Variants in KCNK2 observed in about 807,000 individuals in gnomAD.
The protein encoded by KCNK2 is potassium two pore domain channel subfamily K member 2, also known as potassium channel subfamily K member 2.
KCNK2 carries 21 observed loss-of-function variants against 40.5 expected under a neutral mutation model. The ratio of observed to expected loss-of-function variants is 0.52; its 90% CI spans 0.37 to 0.75. The LOEUF (loss-of-function observed/expected upper bound fraction) is 0.75. Ranked by LOEUF, KCNK2 falls within the 30% of genes least tolerant of loss-of-function variation. KCNK2 has a pLI of 0.00. For synonymous variants in KCNK2, 191 were observed against 202.2 expected (o/e 0.94, Z 0.47); for missense variants, 399 against 531.6 (o/e 0.75, Z 2.45).
At chr1:215,144,353 A>G (rs1056773838) in intron 3 of KCNK2, among the ~76,000 whole-genome samples, 6 of 152,066 alleles carry the variant, frequency 3.9e-5, no homozygotes, top group African/African-American at 1.4e-4. Context: ...AAATGACCCA[A>G]CTTCAGCTGT....
At chr1:215,031,494 G>A (rs1441034069) in intron 1 of KCNK2, among the ~76,000 whole-genome samples, 2 of 152,108 alleles carry the variant, frequency 1.3e-5, no homozygotes, top group Non-Finnish European at 2.9e-5. Flanking sequence ...TACAGGTTGA[G>A]TAACCCTAAT....
At chr1:215,174,968 C>T (rs1196515994) in intron 5 of KCNK2, among the ~76,000 whole-genome samples, 1 of 152,064 alleles carries the variant, frequency 6.6e-6, no homozygotes, top group African/African-American at 2.4e-5. Flanking sequence ...TTTCTTTCTC[C>T]TGCCTGATTG....
intron 2 of KCNK2, among the ~76,000 whole-genome samples, chr1:215,113,394 A>G (rs1448924701): frequency 1.3e-5 from 2 of 152,056 alleles, no homozygotes; most frequent in African/African-American, 4.8e-5. Context: ...CTTTTGGCAT[A>G]TTTTACTTAT....
intron 3 of KCNK2, among the ~76,000 whole-genome samples, chr1:215,133,304 A>G (rs1307535584): frequency 6.6e-6 from 1 of 152,206 alleles, no homozygotes; most frequent in Non-Finnish European, 1.5e-5. Flanking sequence ...AAATTATCCA[A>G]AAATTGGAAG....
At chr1:215,216,991 G>A (rs1558144616) in intron 6 of KCNK2, among the ~76,000 whole-genome samples, 1 of 152,214 alleles carries the variant, frequency 6.6e-6, no homozygotes, top group African/African-American at 2.4e-5. Flanking sequence ...GTTATGGTCT[G>A]TAATTGATAT....
At chr1:215,161,391 T>A (rs1214431555) in intron 3 of KCNK2, among the ~76,000 whole-genome samples, 2 of 152,054 alleles carry the variant, frequency 1.3e-5, no homozygotes, top group Non-Finnish European at 2.9e-5. Flanking sequence ...AAACTTTTTT[T>A]ATGGGGCTTG....
intron 1 of KCNK2, among the ~76,000 whole-genome samples, chr1:215,066,817 G>C (rs1477588820): frequency 6.6e-6 from 1 of 152,146 alleles, no homozygotes; most frequent in Non-Finnish European, 1.5e-5. Flanking sequence ...CTCTAAATTT[G>C]ATTAGGGAAA....
chr1:215,029,307 C>A (rs1657101336), intron 1 of KCNK2, among the ~76,000 whole-genome samples: 1 of 151,756 alleles, frequency 6.6e-6, no homozygotes, highest in East Asian at 1.9e-4. Flanking sequence ...CGCATGGTAA[C>A]CTCTGATGTT....
At chr1:215,095,699 C>G (rs1255990619) in intron 2 of KCNK2, among the ~76,000 whole-genome samples, 1 of 151,934 alleles carries the variant, frequency 6.6e-6, no homozygotes, top group Non-Finnish European at 1.5e-5. Context: ...CAAACCAAAT[C>G]AGATTTATGA....
intron 5 of KCNK2, among the ~76,000 whole-genome samples, chr1:215,173,732 AT>A (rs1189890457): frequency 6.6e-6 from 1 of 152,068 alleles, no homozygotes; most frequent in African/African-American, 2.4e-5. Context: ...GATGATGAGC[AT>A]TTTTTCATGT....
At chr1:215,157,185 C>T (rs892736860) in intron 3 of KCNK2, among the ~76,000 whole-genome samples, 3 of 152,170 alleles carry the variant, frequency 2.0e-5, no homozygotes, top group Non-Finnish European at 4.4e-5. Flanking sequence ...TTCAAGCCGT[C>T]ATGCAGAATT....
chr1:215,071,430 G>A (rs989106418), intron 1 of KCNK2, among the ~76,000 whole-genome samples: 10 of 152,078 alleles, frequency 6.6e-5, no homozygotes, highest in South Asian at 2.1e-4. Context: ...TGTGATTTCC[G>A]AGCTGAGAAC....
In KCNK2 at chr1:215,020,713, C is replaced by T. The variant is rs575043146; in HGVS notation, c.34+14758C>T. Among the ~76,000 whole-genome samples, 10 of 152,286 alleles carry T rather than the reference C, an allele frequency of 6.6e-5. No individual in the cohort carries two copies. In the East Asian group the frequency reaches 1.5e-3, roughly 24 times the overall value. On this transcript the variant is annotated intron_variant, in intron 1 of 6. Coordinates refer to the KCNK2 transcript ENST00000391895. ...TGTTAGGATTATAGGAGTGAGACAC[C>T]GTGCTGGGCCAAACCACAGTACCTT...
rs756235972 is a variant in KCNK2 at position 215,235,571 on chromosome 1, T to G, written c.*426T>G. ...ATGACAACAATTTTTTTTTTGTAAA[T>G]GACAAGAAATTCTTATGCAGCCTTT... On this transcript the variant is annotated 3_prime_UTR_variant, in exon 7 of 7. Transcript: ENST00000444842. 13 of 155,572 alleles carry G rather than the reference T, an allele frequency of 8.4e-5. No individual in the cohort carries two copies. The highest frequency in any genetic ancestry group is 1.9e-4 in the Non-Finnish European group (13 of 70,160). The allele number at this position is 155,572 out of a possible 1,614,324, so 9.6% of individuals were successfully genotyped here. A position where few individuals can be genotyped will look rare whatever the true frequency, so the allele number is the denominator to read the frequency against.
chr1:215,085,056 G>T (rs1044624184), intron 1 of KCNK2, among the ~76,000 whole-genome samples: 2 of 152,210 alleles, frequency 1.3e-5, no homozygotes, highest in African/African-American at 4.8e-5. Context: ...AGGGTAGGTA[G>T]CCATGTGAAA....
chr1:215,201,304 C>T (rs1471885293), intron 6 of KCNK2, among the ~76,000 whole-genome samples: 1 of 152,104 alleles, frequency 6.6e-6, no homozygotes, highest in African/African-American at 2.4e-5. Context: ...AACATAAAAT[C>T]GATGAATAAA....
At position 215,189,838 on chromosome 1, in the gene KCNK2, C is replaced by T. The variant is rs76053026; in HGVS notation, c.824-5115C>T. On this transcript the variant is annotated intron_variant, in intron 5 of 6. Coordinates refer to ENST00000444842, the MANE Select transcript of KCNK2 (RefSeq NM_001017425.3). ...ACTAAAACAGAAATTAAGATTTTCC[C>T]TCCTTCATATTAAGACAGGATAGCT... Among the ~76,000 whole-genome samples, 4 of 152,182 alleles carry T rather than the reference C, an allele frequency of 2.6e-5. No homozygotes were observed. The East Asian group carries it at 7.7e-4, about 29-fold the overall frequency.
chr1:215,147,104 C>T (rs936037107), intron 3 of KCNK2, among the ~76,000 whole-genome samples: 3 of 152,184 alleles, frequency 2.0e-5, no homozygotes, highest in South Asian at 2.1e-4. Context: ...GCAGGTTTAC[C>T]TCGAGACTGA....
intron 1 of KCNK2, among the ~76,000 whole-genome samples, chr1:215,008,756 G>T (rs1656275846): frequency 1.3e-5 from 2 of 152,066 alleles, no homozygotes; most frequent in African/African-American, 4.8e-5. Flanking sequence ...ATTCAAAGTT[G>T]CAACTCAATA....
Sources: gnomAD v4.1 joint callset for allele counts (sites outside exome capture counted in the v4.1 genomes callset) on GRCh38, gnomAD v4.1.1 for gene constraint, MANE v1.5 for transcripts, NCBI Gene and HGNC (gene_info 2026-07-23, HGNC 2026-07-21) for gene names.